The following IL25 variants were observed in gnomAD, a reference collection of about 807,000 sequenced individuals.
The protein encoded by IL25 is interleukin 25, also known as interleukin-25.
IL25 carries 10 observed loss-of-function variants against 13.2 expected under a neutral mutation model. That is an observed-to-expected ratio of 0.76 (90% CI 0.47 to 1.29). The LOEUF (loss-of-function observed/expected upper bound fraction) is 1.29. IL25 is among the 50% of genes most tolerant of loss of function. IL25 has a pLI of 0.00. For synonymous variants in IL25, 107 were observed against 92.1 expected, an observed-to-expected ratio of 1.16 and a Z score of -0.93; for missense variants, 235 against 232.4, an observed-to-expected ratio of 1.01 and a Z score of -0.07.
chr14:23,375,336 C>T (rs1890514154), intron 1 of IL25, among the ~76,000 whole-genome samples: 1 of 152,194 alleles, frequency 6.6e-6, no homozygotes, highest in Admixed American at 6.5e-5. Flanking sequence ...AGAAGCAGTG[C>T]TGGTCAATGG....
rs553620051 is a variant in IL25 at position 23,373,520 on chromosome 14, G to A, written c.278+124G>A. The A allele has an allele frequency of 1.0e-4, 82 of 792,622 alleles. 1 individual carries two copies. In the South Asian group the frequency reaches 1.4e-3, roughly 14 times the overall value. 49.1% of individuals were successfully genotyped at this position (792,622 alleles called of 1,614,324 possible). ...TCAGAGGGGCTGTAAAGGTTTGGGA[G>A]TTAGACAAGGTCTGTATTTGAGTCC... On this transcript the variant is annotated intron_variant, in intron 1 of 1. Coordinates refer to ENST00000329715, the Ensembl canonical transcript of IL25.
exon 1 of IL25, chr14:23,373,055 C>A (rs1890455115): frequency 6.2e-7 from 1 of 1,613,888 alleles, no homozygotes; most frequent in Non-Finnish European, 8.5e-7. Context: ...GGAGGCCAAG[C>A]TGCCAGGTTT....
rs756243453 is a variant in IL25 at position 23,375,673 on chromosome 14, T to C, written c.327T>C (p.Arg109=). 11 of 1,614,020 alleles carry C rather than the reference T, an allele frequency of 6.8e-6. No homozygotes were observed. In the South Asian group the frequency reaches 8.8e-5, roughly 13 times the overall value. The change falls in exon 2 of 2, where the codon CGT becomes CGC. Residue 109 remains arginine (R), a synonymous_variant. Transcript: ENST00000329715. ...TCCCCCAGGACCTGTACCACGCCCG[T>C]TGCCTGTGCCCGCACTGCGTCAGCC...
intron 1 of IL25, 54 bp from the exon 3 acceptor site, chr14:23,375,571 C>T (rs1273185505): frequency 1.3e-6 from 2 of 1,586,486 alleles, no homozygotes; most frequent in Admixed American, 1.7e-5. Context: ...TGCCACCCCA[C>T]CCTCTCTGTT....
At chr14:23,375,724 C>T in exon 2 of IL25, 1 of 1,614,244 alleles carries the variant, frequency 6.2e-7, no homozygotes, top group Non-Finnish European at 8.5e-7. Context: ...ACATGGACCC[C>T]CGGGGCAACT....
chr14:23,375,618 C>T lies in IL25; in HGVS notation c.279-7C>T, dbSNP rs1385459497. 1.9e-6 allele frequency: 3 copies of T among 1,611,064 alleles called. No homozygotes were observed. Among genetic ancestry groups the T allele is most frequent in the Non-Finnish European group, 1.7e-6 (2 of 1,177,708 alleles). ...TTTCCAAGGCCTGACAAGTGCCGCCCCCACAGGTTGGACAGAGACTTGAAC... is the reference window on the plus strand; with the variant it reads ...TTTCCAAGGCCTGACAAGTGCCGCCTCCACAGGTTGGACAGAGACTTGAAC... On this transcript the variant is annotated splice_polypyrimidine_tract_variant and splice_region_variant and intron_variant, in intron 1 of 1. Coordinates refer to ENST00000329715, the Ensembl canonical transcript of IL25.
intron 1 of IL25, among the ~76,000 whole-genome samples, chr14:23,374,890 A>T (rs1312159515): frequency 6.6e-6 from 1 of 152,064 alleles, no homozygotes; most frequent in African/African-American, 2.4e-5. Context: ...GTAGGGAGAG[A>T]CTATTAACTT....
In IL25 at chr14:23,375,687, A is replaced by T. The variant is rs779957438; in HGVS notation, c.341A>T (p.His114Leu). ...TACCACGCCCGTTGCCTGTGCCCGC[A>T]CTGCGTCAGCCTACAGACAGGCTCC... Residue 114 changes from histidine to leucine, a missense_variant, in exon 2 of 2, where the codon CAC becomes CTC. Physicochemically the swap from His to Leu is moderately conservative, Grantham distance 99. Coordinates refer to ENST00000329715, the Ensembl canonical transcript of IL25. 2 of 1,613,874 alleles carry T rather than the reference A, an allele frequency of 1.2e-6. No individual in the cohort carries two copies. The highest frequency in any genetic ancestry group is 2.7e-5 in the African/African-American group (2 of 74,846).
At chr14:23,373,178 G>T in exon 1 of IL25, 1 of 1,614,202 alleles carries the variant, frequency 6.2e-7, no homozygotes. Flanking sequence ...TCCTACAGGT[G>T]GTTGCATTCT....
intron 1 of IL25, among the ~76,000 whole-genome samples, chr14:23,373,600 G>T (rs1420318296): frequency 6.6e-6 from 1 of 150,694 alleles, no homozygotes; most frequent in Non-Finnish European, 1.5e-5. Flanking sequence ...CAAAACTCAG[G>T]GTTTTTTTTT....
Position 23,375,624 on chromosome 14 carries a change from G to A in IL25, c.279-1G>A. ...AGGCCTGACAAGTGCCGCCCCCACA[G>A]GTTGGACAGAGACTTGAACCGGCTC... On this transcript the variant is annotated splice_acceptor_variant, in intron 1 of 1. Coordinates refer to ENST00000329715, the Ensembl canonical transcript of IL25. LOFTEE classifies it high-confidence loss of function. The A allele has an allele frequency of 2.5e-6, 4 of 1,612,842 alleles. No individual in the cohort carries two copies. Among genetic ancestry groups the A allele is most frequent in the Non-Finnish European group, 1.7e-6 (2 of 1,179,048 alleles).
At chr14:23,375,654 A>G in exon 2 of IL25, 1 of 1,614,094 alleles carries the variant, frequency 6.2e-7, no homozygotes, top group Non-Finnish European at 8.5e-7. Flanking sequence ...CGGCTCCCCC[A>G]GGACCTGTAC....
At chr14:23,373,762 G>T (rs1188763112) in intron 1 of IL25, among the ~76,000 whole-genome samples, 1 of 152,116 alleles carries the variant, frequency 6.6e-6, no homozygotes, top group Non-Finnish European at 1.5e-5. Flanking sequence ...TAAAATATTA[G>T]GGAATAATGG....
At chr14:23,374,144 G>A (rs1335873001) in intron 1 of IL25, among the ~76,000 whole-genome samples, 1 of 152,086 alleles carries the variant, frequency 6.6e-6, no homozygotes, top group Admixed American at 6.6e-5. Context: ...TGGTGGGGAG[G>A]GGGTCAGATC....
chr14:23,374,206 G>A (rs75913831), intron 1 of IL25, among the ~76,000 whole-genome samples: 2,289 of 152,178 alleles, frequency 0.015, 43 homozygotes, highest in South Asian at 0.083. Flanking sequence ...TCTTTGGAGT[G>A]GTCTCAGAAG....
chr14:23,373,742 T>G (rs893473187), intron 1 of IL25, among the ~76,000 whole-genome samples: 4 of 152,204 alleles, frequency 2.6e-5, no homozygotes, highest in African/African-American at 9.6e-5. Flanking sequence ...TGGCCCATGT[T>G]TTTTCTGGGT....
intron 1 of IL25, among the ~76,000 whole-genome samples, chr14:23,373,721 C>T (rs1487147506): frequency 6.6e-6 from 1 of 151,896 alleles, no homozygotes; most frequent in African/African-American, 2.4e-5. Flanking sequence ...TCTTTTAAAA[C>T]ATCCCTATAA....
chr14:23,375,962 C>G, exon 2 of IL25: 4 of 1,546,194 alleles, frequency 2.6e-6, no homozygotes, highest in Non-Finnish European at 3.5e-6. Flanking sequence ...CCAGGATGCC[C>G]AGATGCTTGG....
exon 2 of IL25, chr14:23,375,752 A>G (rs1890534486): frequency 6.2e-7 from 1 of 1,614,140 alleles, no homozygotes; most frequent in South Asian, 1.1e-5. Context: ...GCTCTACCAC[A>G]ACCAGACTGT....
Sources: gnomAD v4.1 joint callset for allele counts (sites outside exome capture counted in the v4.1 genomes callset) on GRCh38, gnomAD v4.1.1 for gene constraint, MANE v1.5 for transcripts, NCBI Gene and HGNC (gene_info 2026-07-23, HGNC 2026-07-21) for gene names.